The following MAGEA4 variants were observed in gnomAD, a reference collection of about 807,000 sequenced individuals.
MAGEA4 encodes the protein MAGE family member A4.
A neutral mutation model predicts 13.7 loss-of-function variants in MAGEA4; 1 was observed. The ratio of observed to expected loss-of-function variants is 0.07; its 90% CI spans 0.03 to 0.35. The LOEUF (loss-of-function observed/expected upper bound fraction) is 0.35, where lower values mean the gene tolerates loss of function less well. Among genes scored for constraint, MAGEA4 ranks in the 10% least tolerant of loss-of-function variants. The pLI is 0.99. For missense variants in MAGEA4, 312 were observed against 245.1 expected (o/e 1.27, Z -1.82); for synonymous variants, 132 against 101.1 (o/e 1.31, Z -1.83).
intron 2 of MAGEA4, 30 bp downstream of exon 2, chrX:151,923,554 A>G: frequency 7.4e-6 from 9 of 1,208,854 alleles, no homozygotes; most frequent in Non-Finnish European, 1.0e-5. Context: ...AGCCTCTAAG[A>G]TTTGGTTCTC....
chrX:151,924,525 C>T lies in MAGEA4; in HGVS notation c.861C>T (p.Val287=). ...TGGCTGAAACCAGCTATGTGAAAGT[C>T]CTGGAGCATGTGGTCAGGGTCAATG... is the stretch of plus-strand genomic sequence containing the variant. ...RALAETSYVK[V]LEHVVRVNAR... is the part of the protein sequence containing the mutation. The change falls in exon 3 of 3, where the codon GTC becomes GTT. Residue 287 remains valine (V), a synonymous_variant. Transcript: ENST00000276344. 1 of 1,211,474 alleles carries T rather than the reference C, an allele frequency of 8.3e-7. No homozygotes were observed. Among genetic ancestry groups the T allele is most frequent in the East Asian group, 3.0e-5 (1 of 33,833 alleles).
chrX:151,919,863 G>A (rs2124098118), intron 1 of MAGEA4: 1 of 434,970 alleles, frequency 2.3e-6, no homozygotes, highest in Admixed American at 9.1e-5. Flanking sequence ...CACTGCCTCT[G>A]AAGTCGCACG....
intron 1 of MAGEA4, among the ~76,000 whole-genome samples, chrX:151,922,751 G>C (rs1192475968): frequency 9.0e-6 from 1 of 111,550 alleles, no homozygotes; most frequent in East Asian, 2.8e-4. Context: ...TTTCTGCTGA[G>C]GTCCCTCTCT....
At chrX:151,923,421 A>G in intron 1 of MAGEA4, 32 bp from the exon 2 acceptor site, 1 of 1,143,283 alleles carries the variant, frequency 8.7e-7, no homozygotes, top group Non-Finnish European at 1.2e-6. Context: ...GGCCGGCTAT[A>G]CCCTGAGGTG....
At chrX:151,923,240 TG>T (rs1396463093) in intron 1 of MAGEA4, among the ~76,000 whole-genome samples, 3 of 112,223 alleles carry the variant, frequency 2.7e-5, no homozygotes, top group African/African-American at 9.7e-5. Context: ...AGTGAGGCCT[TG>T]GTCTGAGACA....
chrX:151,913,554 G>A (rs1932994706), intron 1 of MAGEA4: 36 of 747,482 alleles, frequency 4.8e-5, no homozygotes, highest in Admixed American at 9.1e-5. Flanking sequence ...TGGGATTGGC[G>A]GAGGGAAGCG....
chrX:151,921,502 T>TCTAG (rs1569448596), intron 1 of MAGEA4, among the ~76,000 whole-genome samples: 1 of 112,290 alleles, frequency 8.9e-6, no homozygotes, highest in Non-Finnish European at 1.9e-5. Flanking sequence ...TACAGGGGAC[T>TCTAG]CTAGAGTCAA....
intron 1 of MAGEA4, among the ~76,000 whole-genome samples, chrX:151,920,673 T>G: frequency 2.0e-5 from 1 of 51,196 alleles, no homozygotes; most frequent in East Asian, 7.7e-4. Flanking sequence ...CACCCCTACC[T>G]TCATCCCCAT....
intron 1 of MAGEA4, among the ~76,000 whole-genome samples, chrX:151,921,194 G>A (rs1178337876): frequency 8.9e-6 from 1 of 112,425 alleles, no homozygotes; most frequent in African/African-American, 3.2e-5. Context: ...CCCTCACCAG[G>A]CAGAATCCAG....
chrX:151,919,592 G>A (rs1192919218), intron 1 of MAGEA4: 1 of 725,569 alleles, frequency 1.4e-6, no homozygotes, highest in Admixed American at 9.7e-5. Flanking sequence ...TTCAACCCAA[G>A]AAAGCCGCAG....
upstream of MAGEA4, chrX:151,912,674 C>T (rs1000742114): frequency 3.6e-5 from 8 of 225,318 alleles, no homozygotes; most frequent in Middle Eastern, 8.2e-4. Context: ...ACCCTCATCC[C>T]CTACCAGCAC....
chrX:151,912,484 C>A (rs1048494337), upstream of MAGEA4: 3 of 358,528 alleles, frequency 8.4e-6, no homozygotes, highest in Non-Finnish European at 5.4e-6. Context: ...GCGCATTGGT[C>A]TGACCAGCAA....
intron 1 of MAGEA4, chrX:151,918,184 C>T (rs1277524097): frequency 1.1e-4 from 3 of 28,154 alleles, no homozygotes; most frequent in Admixed American, 8.6e-4. Flanking sequence ...CCCCCCCACC[C>T]CCATCCACGC....
intron 1 of MAGEA4, among the ~76,000 whole-genome samples, chrX:151,922,046 C>A (rs1933468948): frequency 9.0e-6 from 1 of 110,941 alleles, no homozygotes; most frequent in African/African-American, 3.3e-5. Context: ...GCAAGGTAGC[C>A]ACCTGTAGCT....
chrX:151,919,599 G>A (rs1055970712), intron 1 of MAGEA4: 42 of 726,214 alleles, frequency 5.8e-5, no homozygotes, highest in South Asian at 7.3e-5. Flanking sequence ...CAAGAAAGCC[G>A]CAGGTGCCGG....
rs768143061 is a variant in MAGEA4 at position 151,924,623 on chromosome X, G to C, written c.*5G>C. 4 of 1,180,198 alleles carry C rather than the reference G, an allele frequency of 3.4e-6. No homozygotes were observed. Among genetic ancestry groups the C allele is most frequent in the Non-Finnish European group, 4.6e-6 (4 of 878,337 alleles). The stretch of plus-strand genomic sequence containing the variant: ...GAGGAGGAAGAGGGAGTCTGAGCAT[G>C]AGTTGCAGCCAGGGCTGTGGGGAAG... On this transcript the variant is annotated 3_prime_UTR_variant, in exon 3 of 3. Transcript: ENST00000276344.
chrX:151,920,183 C>T (rs1167005728), intron 1 of MAGEA4, among the ~76,000 whole-genome samples: 1 of 109,878 alleles, frequency 9.1e-6, no homozygotes, highest in Non-Finnish European at 1.9e-5. Flanking sequence ...GATGTGATGC[C>T]AGTGACTTGT....
At chrX:151,919,589 C>T in intron 1 of MAGEA4, 4 of 726,129 alleles carry the variant, frequency 5.5e-6, no homozygotes, top group Non-Finnish European at 6.5e-6. Context: ...GCTTTCAACC[C>T]AAGAAAGCCG....
chrX:151,924,274 A>G lies in MAGEA4; in HGVS notation c.610A>G (p.Ile204Val). The change falls in exon 3 of 3, where the codon ATA becomes GTA. Residue 204 changes from isoleucine to valine, a missense_variant. Ile to Val is a conservative substitution (Grantham distance 29). Coordinates refer to ENST00000276344, the MANE Select transcript of MAGEA4 (RefSeq NM_001011548.1). ...NQIFPKTGLL[I>V]IVLGTIAMEG... ...GATCTTTCCCAAGACAGGCCTTCTG[A>G]TAATCGTCCTGGGCACAATTGCAAT... 1 of 1,210,549 alleles carries G rather than the reference A, an allele frequency of 8.3e-7. No individual in the cohort carries two copies. Among genetic ancestry groups the G allele is most frequent in the Non-Finnish European group, 1.1e-6 (1 of 894,977 alleles).
Sources: allele counts gnomAD v4.1 joint callset (sites outside exome capture counted in the v4.1 genomes callset), GRCh38; gene constraint gnomAD v4.1.1; transcripts MANE v1.5; gene names NCBI Gene and HGNC (gene_info 2026-07-23, HGNC 2026-07-21).